TPH2: variants seen among roughly 807,000 people sequenced by gnomAD.
TPH2 encodes the protein tryptophan hydroxylase 2.
Under a neutral mutation model 59.1 loss-of-function variants are expected in TPH2, and 27 were observed. The observed-to-expected ratio is 0.46, with a 90% CI of 0.34 to 0.63. TPH2 has a LOEUF of 0.63. Ranked by LOEUF, TPH2 falls within the 30% of genes least tolerant of loss-of-function variation. The pLI is 0.01. For missense variants in TPH2, 523 were observed against 588.3 expected (o/e 0.89, Z 1.15); for synonymous variants, 220 against 210.5 (o/e 1.05, Z -0.39).
intron 6 of TPH2, among the ~76,000 whole-genome samples, chr12:71,977,605 C>T (rs1872157500): frequency 1.3e-5 from 2 of 152,222 alleles, no homozygotes; most frequent in East Asian, 3.9e-4. Flanking sequence ...AAACCTGTGG[C>T]TTAAAGTGAA....
intron 5 of TPH2, chr12:71,961,883 G>T (rs951834894): frequency 9.0e-7 from 1 of 1,110,068 alleles, no homozygotes; most frequent in African/African-American, 1.6e-5. Flanking sequence ...TTTTCATTAC[G>T]TCTCTTGTAA....
intron 4 of TPH2, among the ~76,000 whole-genome samples, chr12:71,945,279 C>G (rs1871169810): frequency 6.6e-6 from 1 of 152,110 alleles, no homozygotes; most frequent in Non-Finnish European, 1.5e-5. Context: ...AAATATGATA[C>G]TTGGGTAAGC....
At chr12:71,945,686 G>C (rs542126114) in intron 4 of TPH2, among the ~76,000 whole-genome samples, 5 of 152,196 alleles carry the variant, frequency 3.3e-5, no homozygotes, top group African/African-American at 1.2e-4. Context: ...CCTTAAGTTT[G>C]AGAACCCCTG....
intron 8 of TPH2, among the ~76,000 whole-genome samples, chr12:72,015,096 T>C (rs1200680122): frequency 6.6e-6 from 1 of 152,096 alleles, no homozygotes; most frequent in Non-Finnish European, 1.5e-5. Flanking sequence ...AAACTGACAT[T>C]TTGATATAGC....
chr12:71,953,690 A>G (rs1304217221), intron 5 of TPH2, among the ~76,000 whole-genome samples: 1 of 152,180 alleles, frequency 6.6e-6, no homozygotes, highest in Non-Finnish European at 1.5e-5. Context: ...ACTTTGTCCA[A>G]GGGATAGATC....
intron 7 of TPH2, among the ~76,000 whole-genome samples, chr12:71,983,481 G>A (rs1228922474): frequency 1.3e-5 from 2 of 152,134 alleles, no homozygotes; most frequent in African/African-American, 4.8e-5. Flanking sequence ...TCCAAGTTAT[G>A]TAGGCATGTG....
intron 5 of TPH2, among the ~76,000 whole-genome samples, chr12:71,960,971 AC>A (rs1871663713): frequency 6.6e-6 from 1 of 152,168 alleles, no homozygotes; most frequent in Admixed American, 6.5e-5. Context: ...TATATTGAGT[AC>A]CTATTAGGCA....
chr12:71,972,240 T>G (rs2139203355), intron 5 of TPH2, among the ~76,000 whole-genome samples: 1 of 152,342 alleles, frequency 6.6e-6, no homozygotes, highest in Non-Finnish European at 1.5e-5. Flanking sequence ...CTATTACTTG[T>G]TACTGACCTC....
In TPH2 at chr12:71,964,123, G is replaced by A. The variant is rs1355162408; in HGVS notation, c.609-8396G>A. Among the ~76,000 whole-genome samples the A allele has an allele frequency of 6.0e-5, 3 of 49,922 alleles. 1 individual carries two copies. Among genetic ancestry groups the A allele is most frequent in the African/African-American group, 1.7e-4 (3 of 17,728 alleles). 32.8% of individuals were successfully genotyped at this position (49,922 alleles called of 152,430 possible). On this transcript the variant is annotated intron_variant, in intron 5 of 10. Coordinates refer to ENST00000333850, the MANE Select transcript of TPH2 (RefSeq NM_173353.4). ...CAAAACCTGAGAAAGCAAATCAATG[G>A]AAGATAATGGAATGGGATTTAAAAA...
At chr12:71,977,162 G>T (rs1284170131) in intron 6 of TPH2, among the ~76,000 whole-genome samples, 4 of 152,156 alleles carry the variant, frequency 2.6e-5, no homozygotes, top group Non-Finnish European at 4.4e-5. Context: ...AGCGATTCTT[G>T]TGCCTCACCT....
chr12:72,031,832 G>A lies in TPH2; in HGVS notation c.*137G>A. 1.0e-6 allele frequency: 1 copy of A among 959,346 alleles called. No homozygotes were observed. 59.4% of individuals were successfully genotyped at this position (959,346 alleles called of 1,614,324 possible). A position where few individuals can be genotyped will look rare whatever the true frequency, so the allele number is the denominator to read the frequency against. On this transcript the variant is annotated 3_prime_UTR_variant, in exon 11 of 11. Transcript: ENST00000333850. ...CAATTCCATATATCTATACCATCTT[G>A]TAACTCACTGTGTTAGTATATAAAG...
intron 7 of TPH2, among the ~76,000 whole-genome samples, chr12:71,993,492 T>C (rs943821417): frequency 6.6e-6 from 1 of 152,238 alleles, no homozygotes; most frequent in Admixed American, 6.5e-5. Context: ...CAGTTCATTA[T>C]TCATGGCAAT....
intron 5 of TPH2, chr12:71,961,460 A>G (rs564493009): frequency 8.6e-7 from 1 of 1,158,424 alleles, no homozygotes; most frequent in South Asian, 1.3e-5. Context: ...GATAGGGCCT[A>G]GTAGTTAGCT....
At chr12:71,941,322 G>C (rs1326122546) in intron 1 of TPH2, among the ~76,000 whole-genome samples, 1 of 152,024 alleles carries the variant, frequency 6.6e-6, no homozygotes, top group Non-Finnish European at 1.5e-5. Flanking sequence ...GGTTTTTGTT[G>C]CTATTAAAGT....
rs1871448771 is a variant in TPH2 at position 71,954,826 on chromosome 12, A to G, written c.608+5171A>G. Among the ~76,000 whole-genome samples the G allele has an allele frequency of 4.1e-5, 3 of 73,296 alleles. 1 individual carries two copies. The South Asian group carries it at 2.3e-3, about 55-fold the overall frequency. The allele number at this position is 73,296 out of a possible 152,430, so 48.1% of individuals were successfully genotyped here. A position where few individuals can be genotyped will look rare whatever the true frequency, so the allele number is the denominator to read the frequency against. On this transcript the variant is annotated intron_variant, in intron 5 of 10. Coordinates refer to ENST00000333850, the MANE Select transcript of TPH2 (RefSeq NM_173353.4). ...GATTATTCCTCAACAATATGCATGC[A>G]TATTTAATTTTTTTTTTCGTGGGGA... is the stretch of plus-strand genomic sequence containing the variant.
chr12:71,958,400 G>T (rs1261437779), intron 5 of TPH2, among the ~76,000 whole-genome samples: 1 of 152,140 alleles, frequency 6.6e-6, no homozygotes, highest in Non-Finnish European at 1.5e-5. Context: ...CACAAGTTGG[G>T]AATAACAGTG....
intron 8 of TPH2, among the ~76,000 whole-genome samples, chr12:71,999,307 C>A (rs1872765396): frequency 6.6e-6 from 1 of 152,162 alleles, no homozygotes; most frequent in Non-Finnish European, 1.5e-5. Context: ...TTTAAATGAA[C>A]TCTTTTGTAT....
At chr12:71,995,846 T>TA (rs962650004) in intron 8 of TPH2, among the ~76,000 whole-genome samples, 3 of 152,152 alleles carry the variant, frequency 2.0e-5, no homozygotes, top group African/African-American at 2.4e-5. Flanking sequence ...GTTGGCTTAT[T>TA]AAAAAAAGTC....
At chr12:71,939,525 C>G (rs890218884) in intron 1 of TPH2, among the ~76,000 whole-genome samples, 1 of 152,102 alleles carries the variant, frequency 6.6e-6, no homozygotes, top group South Asian at 2.1e-4. Flanking sequence ...CCTACACCCC[C>G]TTCAGTTTAC....
Sources: allele counts gnomAD v4.1 joint callset (sites outside exome capture counted in the v4.1 genomes callset), GRCh38; gene constraint gnomAD v4.1.1; transcripts MANE v1.5; gene names NCBI Gene and HGNC (gene_info 2026-07-23, HGNC 2026-07-21).